The following MYBL2 variants were observed in gnomAD, a reference collection of about 807,000 sequenced individuals.
The protein encoded by MYBL2 is MYB proto-oncogene like 2, also known as myb-related protein B.
In MYBL2, 28 loss-of-function variants were observed where a neutral mutation model predicts 79.9. The ratio of observed to expected loss-of-function variants is 0.35; its 90% CI spans 0.26 to 0.48. The LOEUF (loss-of-function observed/expected upper bound fraction) is 0.48, where lower values mean the gene tolerates loss of function less well. Ranked by LOEUF, MYBL2 falls within the 20% of genes least tolerant of loss-of-function variation. The pLI, the probability that MYBL2 is intolerant of heterozygous loss-of-function variation, is 0.99. For synonymous variants in MYBL2, 378 were observed against 361.2 expected (o/e 1.05, Z -0.53); for missense variants, 735 against 893.9 (o/e 0.82, Z 2.27).
At chr20:43,713,215 G>T in intron 12 of MYBL2, 109 bp downstream of exon 12, 1 of 731,280 alleles carries the variant, frequency 1.4e-6, no homozygotes, top group Non-Finnish European at 2.3e-6. Flanking sequence ...TCTGCAGGGA[G>T]GGGCTATCAG....
intron 6 of MYBL2, among the ~76,000 whole-genome samples, chr20:43,695,222 G>A (rs1402880869): frequency 6.6e-6 from 1 of 151,976 alleles, no homozygotes; most frequent in Non-Finnish European, 1.5e-5. Flanking sequence ...TGTATTTTTA[G>A]TAGAGATGGG....
chr20:43,685,251 G>A (rs1463541265), intron 4 of MYBL2, among the ~76,000 whole-genome samples: 1 of 151,850 alleles, frequency 6.6e-6, no homozygotes, highest in Non-Finnish European at 1.5e-5. Context: ...CATGATCTCA[G>A]CTCATTGCAA....
chr20:43,707,101 G>GC (rs1987806840), intron 9 of MYBL2, among the ~76,000 whole-genome samples: 1 of 151,700 alleles, frequency 6.6e-6, no homozygotes, highest in Non-Finnish European at 1.5e-5. Context: ...GATTGCTTGA[G>GC]CCCAGGAGTT....
chr20:43,667,326 G>T (rs1986740483), intron 1 of MYBL2, 23 bp downstream of exon 1: 1 of 1,228,846 alleles, frequency 8.1e-7, no homozygotes. Flanking sequence ...GGGAGGGCTT[G>T]GGCCCCTCCC....
intron 13 of MYBL2, among the ~76,000 whole-genome samples, chr20:43,715,728 C>T (rs1988016993): frequency 6.6e-6 from 1 of 152,172 alleles, no homozygotes; most frequent in Non-Finnish European, 1.5e-5. Flanking sequence ...CTGCACGGGG[C>T]GGGCAGTGCA....
intron 6 of MYBL2, among the ~76,000 whole-genome samples, chr20:43,698,658 GTGA>G (rs1160668220): frequency 1.4e-5 from 2 of 144,680 alleles, no homozygotes; most frequent in African/African-American, 5.3e-5. Flanking sequence ...GATTACAGGC[GTGA>G]TTTTTTTTTT....
chr20:43,670,909 T>A (rs891750428), intron 1 of MYBL2, among the ~76,000 whole-genome samples: 19 of 151,948 alleles, frequency 1.3e-4, no homozygotes, highest in African/African-American at 3.9e-4. Context: ...GGGGAAAGAT[T>A]ACTAACTTTC....
chr20:43,702,978 C>T, intron 8 of MYBL2, 75 bp downstream of exon 8: 1 of 1,446,298 alleles, frequency 6.9e-7, no homozygotes, highest in Non-Finnish European at 9.3e-7. Context: ...CAAGGGTGAG[C>T]AAAACGAGAC....
At chr20:43,678,918 C>T (rs1987080560) in intron 2 of MYBL2, among the ~76,000 whole-genome samples, 1 of 147,156 alleles carries the variant, frequency 6.8e-6, no homozygotes, top group African/African-American at 2.5e-5. Flanking sequence ...GAGACCAGTG[C>T]TGAGGGAGTG....
At chr20:43,670,657 C>T (rs1450440669) in intron 1 of MYBL2, among the ~76,000 whole-genome samples, 2 of 151,996 alleles carry the variant, frequency 1.3e-5, no homozygotes, top group Non-Finnish European at 1.5e-5. Flanking sequence ...TGTAAGGGCC[C>T]GAGACAGGAG....
chr20:43,709,089 G>A (rs1250429222), intron 9 of MYBL2, among the ~76,000 whole-genome samples: 2 of 152,142 alleles, frequency 1.3e-5, no homozygotes, highest in African/African-American at 2.4e-5. Flanking sequence ...AAGTGGAGGC[G>A]GCGAGGCCCC....
intron 6 of MYBL2, among the ~76,000 whole-genome samples, chr20:43,698,661 A>ATTTT: frequency 8.6e-6 from 1 of 115,918 alleles, no homozygotes; most frequent in South Asian, 2.9e-4. Flanking sequence ...TACAGGCGTG[A>ATTTT]TTTTTTTTTT....
chr20:43,714,881 G>A (rs993059772), intron 12 of MYBL2, among the ~76,000 whole-genome samples: 4 of 152,114 alleles, frequency 2.6e-5, no homozygotes, highest in African/African-American at 7.2e-5. Context: ...CGCCTGCCTC[G>A]GCCTCCCAAA....
rs766524660 is a variant in MYBL2, at chr20:43,715,255, C to A, written c.1946C>A (p.Pro649His). The A allele has an allele frequency of 1.2e-6, 2 of 1,614,088 alleles. No individual in the cohort carries two copies. The highest frequency in any genetic ancestry group is 2.7e-5 in the African/African-American group (2 of 74,934). ...GAGAAGGCAGCAGTGGCCCAGAAGCCCCGAAGCCACTTCACGACACCTGCC... is the reference window on the plus strand; with the variant it reads ...GAGAAGGCAGCAGTGGCCCAGAAGCACCGAAGCCACTTCACGACACCTGCC... ...KPEKAAVAQK[P>H]RSHFTTPAPM... Residue 649 changes from proline (P) to histidine (H), a missense_variant, in exon 13 of 14, where the codon CCC becomes CAC. Physicochemically the swap from Pro to His is moderately conservative, Grantham distance 77. Transcript: ENST00000217026.
At chr20:43,668,522 G>A (rs2145702499) in intron 1 of MYBL2, among the ~76,000 whole-genome samples, 1 of 151,884 alleles carries the variant, frequency 6.6e-6, no homozygotes, top group African/African-American at 2.4e-5. Flanking sequence ...CTCTTTAGAC[G>A]ATAGCCTCAT....
intron 2 of MYBL2, among the ~76,000 whole-genome samples, chr20:43,676,780 TCA>T (rs1459003388): frequency 2.0e-5 from 3 of 152,196 alleles, no homozygotes; most frequent in Non-Finnish European, 4.4e-5. Flanking sequence ...TTATTTTACC[TCA>T]GTTTTTCTTA....
At chr20:43,674,344 C>T (rs915288599) in intron 2 of MYBL2, among the ~76,000 whole-genome samples, 1 of 146,180 alleles carries the variant, frequency 6.8e-6, no homozygotes, top group Non-Finnish European at 1.5e-5. Context: ...TCAAGCGATT[C>T]TCCTGCCTCA....
intron 13 of MYBL2, among the ~76,000 whole-genome samples, chr20:43,715,733 A>G (rs1988017160): frequency 6.6e-6 from 1 of 152,130 alleles, no homozygotes; most frequent in Admixed American, 6.6e-5. Context: ...CGGGGCGGGC[A>G]GTGCATGGCC....
chr20:43,690,215 T>C (rs1987374869), intron 5 of MYBL2, among the ~76,000 whole-genome samples: 1 of 151,896 alleles, frequency 6.6e-6, no homozygotes, highest in Non-Finnish European at 1.5e-5. Flanking sequence ...TGTTTGTTTT[T>C]TGTTTTTTGA....
Sources: gnomAD v4.1 joint callset for allele counts (sites outside exome capture counted in the v4.1 genomes callset) on GRCh38, gnomAD v4.1.1 for gene constraint, MANE v1.5 for transcripts, NCBI Gene and HGNC (gene_info 2026-07-23, HGNC 2026-07-21) for gene names.